Variants in PLK4 observed in about 807,000 individuals in gnomAD.
PLK4 encodes the protein polo like kinase 4.
A neutral mutation model predicts 103.0 loss-of-function variants in PLK4; 51 were observed. That is an observed-to-expected ratio of 0.50 (90% confidence interval 0.40 to 0.63). The LOEUF is 0.63. Among genes scored for constraint, PLK4 ranks in the 20% least tolerant of loss-of-function variants. The probability of loss-of-function intolerance (pLI) is 0.00; values close to 1 mark genes in which losing one functional copy is unlikely to be tolerated. For missense variants in PLK4, 1,054 were observed against 1,151.0 expected, an observed-to-expected ratio of 0.92 and a Z score of 1.22; for synonymous variants, 389 against 376.8, an observed-to-expected ratio of 1.03 and a Z score of -0.38.
chr4:127,887,559 G>T (rs1285232950), intron 6 of PLK4, 63 bp downstream of exon 6: 2 of 936,980 alleles, frequency 2.1e-6, no homozygotes, highest in Admixed American at 2.1e-5. Flanking sequence ...AAGCATTGCA[G>T]TGTTCTATTT....
At position 127,883,664 on chromosome 4, in the gene PLK4, A is replaced by G. The variant is rs1350387605; in HGVS notation, c.337+111A>G. On this transcript the variant is annotated intron_variant, in intron 4 of 15. Transcript: ENST00000270861. Reference sequence around the variant, plus strand: ...TTATAATATATAGTAAAACTGTTTGAATTATTACTTTAAGCTAGAAAAGGA... The same window carrying G: ...TTATAATATATAGTAAAACTGTTTGGATTATTACTTTAAGCTAGAAAAGGA... 5 of 502,006 alleles carry G rather than the reference A, an allele frequency of 1.0e-5. No homozygotes were observed. The South Asian group carries it at 1.6e-4, about 16-fold the overall frequency. The allele number at this position is 502,006 out of a possible 1,614,324, so 31.1% of individuals were successfully genotyped here. A position where few individuals can be genotyped will look rare whatever the true frequency, so the allele number is the denominator to read the frequency against.
chr4:127,885,745 G>A lies in PLK4; in HGVS notation c.375G>A (p.Leu125=), dbSNP rs757254085. Residue 125 remains leucine, a synonymous_variant, in exon 5 of 16, where the codon TTG becomes TTA. Transcript: ENST00000270861. ...HFMHQIITGM[L]YLHSHGILHR... Reference sequence around the variant, plus strand: ...TGCACCAGATCATCACAGGGATGTTGTATCTTCATTCTCATGGTATACTAC... The same window carrying A: ...TGCACCAGATCATCACAGGGATGTTATATCTTCATTCTCATGGTATACTAC... 2 of 1,613,292 alleles carry A rather than the reference G, an allele frequency of 1.2e-6. No homozygotes were observed. Among genetic ancestry groups the A allele is most frequent in the African/African-American group, 1.3e-5 (1 of 74,840 alleles).
intron 15 of PLK4, among the ~76,000 whole-genome samples, chr4:127,897,852 T>TTTTTTTG: frequency 8.1e-6 from 1 of 123,262 alleles, no homozygotes; most frequent in Non-Finnish European, 1.7e-5. Context: ...TTTTTTTTTT[T>TTTTTTTG]TTTTTTGAGA....
At chr4:127,898,267 GA>G (rs1002351059) in intron 15 of PLK4, among the ~76,000 whole-genome samples, 171 bp from the exon 16 acceptor site, 1 of 152,138 alleles carries the variant, frequency 6.6e-6, no homozygotes, top group African/African-American at 2.4e-5. Flanking sequence ...TAAAAGAAAA[GA>G]AACTGTATGC....
chr4:127,891,457 T>C, intron 8 of PLK4, 122 bp from the exon 9 acceptor site: 1 of 457,962 alleles, frequency 2.2e-6, no homozygotes, highest in Non-Finnish European at 3.9e-6. Flanking sequence ...TACAGAATAT[T>C]TAACATTTTT....
At position 127,896,855 on chromosome 4, in the gene PLK4, C is replaced by G; in HGVS notation, c.2758C>G (p.Gln920Glu). ...QFNDGSQLVV[Q>E]AGVSSISYTS... is the part of the protein sequence containing the mutation. ...TAATGATGGGTCCCAGTTGGTTGTG[C>G]AGGCAGGAGTGTCTTCTATCAGTTA... Residue 920 changes from glutamine (Q) to glutamate (E), a missense_variant, in exon 15 of 16, where the codon CAG (glutamine) becomes GAG (glutamate). By Grantham distance (29) the Gln-to-Glu change is conservative (BLOSUM62 2). Transcript: ENST00000270861. 1 of 1,612,158 alleles carries G rather than the reference C, an allele frequency of 6.2e-7. No individual in the cohort carries two copies. The highest frequency in any genetic ancestry group is 8.5e-7 in the Non-Finnish European group (1 of 1,178,810).
chr4:127,888,869 C>A (rs1735244374), intron 6 of PLK4, among the ~76,000 whole-genome samples: 1 of 151,976 alleles, frequency 6.6e-6, no homozygotes, highest in South Asian at 2.1e-4. Context: ...TGAGTCTATT[C>A]TCTTTTTTTA....
chr4:127,889,140 G>A (rs1024572712), intron 6 of PLK4, among the ~76,000 whole-genome samples: 1 of 152,040 alleles, frequency 6.6e-6, no homozygotes, highest in Admixed American at 6.5e-5. Context: ...CATAAGGAGA[G>A]TGGGGGGAAA....
chr4:127,888,354 G>A (rs1054316713), intron 6 of PLK4, among the ~76,000 whole-genome samples: 3 of 152,040 alleles, frequency 2.0e-5, no homozygotes, highest in African/African-American at 7.2e-5. Flanking sequence ...CCGTCTTACA[G>A]ATGAGGAAAC....
chr4:127,893,833 C>T lies in PLK4; in HGVS notation c.2514C>T (p.Val838=). The part of the protein sequence containing the change: ...TRERASFNRM[V]MHSAASPTQA... The stretch of plus-strand genomic sequence containing the variant: ...AGAGAGCATCTTTCAACAGAATGGT[C>T]ATGCATAGTGCTGCTTCTCCAACAC... Residue 838 remains valine, a synonymous_variant, in exon 13 of 16, where the codon GTC becomes GTT. Coordinates refer to ENST00000270861, the MANE Select transcript of PLK4 (RefSeq NM_014264.5). 1.2e-6 allele frequency: 2 copies of T among 1,610,606 alleles called. No individual in the cohort carries two copies. Among genetic ancestry groups the T allele is most frequent in the Non-Finnish European group, 1.7e-6 (2 of 1,176,892 alleles).
In PLK4 at chr4:127,893,988, C is replaced by T. The variant is rs1735466571; in HGVS notation, c.2562+107C>T. Reference sequence around the variant, plus strand: ...CTTTACTATCATCTACGTACTTTTCCAGCCTCATCCTGAGCCACTTTATCC... The same window carrying T: ...CTTTACTATCATCTACGTACTTTTCTAGCCTCATCCTGAGCCACTTTATCC... On this transcript the variant is annotated intron_variant, in intron 13 of 15. Coordinates refer to ENST00000270861, the MANE Select transcript of PLK4 (RefSeq NM_014264.5). 6.0e-6 allele frequency: 4 copies of T among 663,206 alleles called. No homozygotes were observed. The East Asian group carries it at 1.1e-4, about 18-fold the overall frequency. The allele number at this position is 663,206 out of a possible 1,614,324, so 41.1% of individuals were successfully genotyped here.
Position 127,893,356 on chromosome 4 carries a change from A to G in PLK4, c.2260A>G (p.Ser754Gly), listed in dbSNP as rs750161076. 5 of 1,606,290 alleles carry G rather than the reference A, an allele frequency of 3.1e-6. No individual in the cohort carries two copies. The Admixed American group carries it at 8.4e-5, about 27-fold the overall frequency. Residue 754 changes from serine to glycine, a missense_variant, in exon 11 of 16, where the codon AGT becomes GGT. Physicochemically the swap from Ser to Gly is moderately conservative, Grantham distance 56. Around this residue, in one of 4 missense-constraint regions of PLK4, gnomAD observed 680 missense variants for 660.3 expected, o/e 1.03. Transcript: ENST00000270861. The part of the protein sequence containing the change: ...EKTGKSYTLK[S>G]ESEVNSLKEE... ...GACAGGGAAGTCTTACACTTTAAAA[A>G]GTGAAAGTGAAGTTAATAGCTTGAA...
At chr4:127,898,241 A>C (rs905389601) in intron 15 of PLK4, among the ~76,000 whole-genome samples, 198 bp from the exon 16 acceptor site, 2 of 152,212 alleles carry the variant, frequency 1.3e-5, no homozygotes. Context: ...AAATGTGTTT[A>C]GAAAATGGTC....
intron 2 of PLK4, among the ~76,000 whole-genome samples, chr4:127,882,590 T>C (rs545709533): frequency 6.6e-6 from 1 of 152,206 alleles, no homozygotes; most frequent in African/African-American, 2.4e-5. Context: ...AGAAACCCCA[T>C]CTCTACTAAA....
intron 5 of PLK4, 53 bp downstream of exon 5, chr4:127,886,781 A>G: frequency 9.3e-7 from 1 of 1,080,552 alleles, no homozygotes; most frequent in Non-Finnish European, 1.3e-6. Flanking sequence ...TTATACTAGT[A>G]TAAATATGAA....
chr4:127,890,013 C>G lies in PLK4; in HGVS notation c.1607C>G (p.Ser536Cys). 1.2e-6 allele frequency: 2 copies of G among 1,613,974 alleles called. No homozygotes were observed. The highest frequency in any genetic ancestry group is 1.7e-6 in the Non-Finnish European group (2 of 1,179,898). ...KNSDASDNAH[S>C]VKQQNTMKYM... ...TCTGATGCTTCTGATAATGCACATT[C>G]TGTAAAACAGCAAAATACCATGAAA... is the stretch of plus-strand genomic sequence containing the variant. Residue 536 changes from serine to cysteine, a missense_variant, in exon 7 of 16, where the codon TCT becomes TGT. Transcript: ENST00000270861.
chr4:127,886,622 GA>G lies in PLK4; in HGVS notation c.1253del (p.Glu418GlyfsTer68). 6.2e-7 allele frequency: 1 copy of G among 1,613,582 alleles called. No individual in the cohort carries two copies. Among genetic ancestry groups the G allele is most frequent in the Non-Finnish European group, 8.5e-7 (1 of 1,179,500 alleles). On this transcript the variant is annotated frameshift_variant, in exon 5 of 16. Transcript: ENST00000270861. LOFTEE classifies it high-confidence loss of function. ...SKRSGGGENEERYSPTDNNAN... is the reference protein window; with the variant it reads ...SKRSGGGENEXRYSPTDNNAN... ...AAGATCAGGAGGAGGTGAAAATGAA[GA>G]GAGGTACTCACCCACAGACAACAAT...
Position 127,893,884 on chromosome 4 carries a change from A to G in PLK4, c.2562+3A>G. 1 of 1,380,840 alleles carries G rather than the reference A, an allele frequency of 7.2e-7. No individual in the cohort carries two copies. Among genetic ancestry groups the G allele is most frequent in the Non-Finnish European group, 1.0e-6 (1 of 970,008 alleles). 85.5% of individuals were successfully genotyped at this position (1,380,840 alleles called of 1,614,324 possible). On this transcript the variant is annotated splice_donor_region_variant and intron_variant, in intron 13 of 15. Coordinates refer to ENST00000270861, the MANE Select transcript of PLK4 (RefSeq NM_014264.5). ...AGGCACCAATCCTTAATCCCTCTGT[A>G]AGTAAATATATGTCACTTCTGTACT...
chr4:127,898,290 T>G (rs1735652958), intron 15 of PLK4, 149 bp from the exon 16 acceptor site: 1 of 527,584 alleles, frequency 1.9e-6, no homozygotes, highest in African/African-American at 2.0e-5. Context: ...TCACTTGATT[T>G]AGGTATCTAA....
Sources: gnomAD v4.1 joint callset for allele counts (sites outside exome capture counted in the v4.1 genomes callset) on GRCh38, gnomAD v4.1.1 for gene constraint, gnomAD v4.1.1 regional missense constraint, MANE v1.5 for transcripts, NCBI Gene and HGNC (gene_info 2026-07-23, HGNC 2026-07-21) for gene names.